The following TCF4 variants were observed in gnomAD, a reference collection of about 807,000 sequenced individuals.
TCF4 encodes transcription factor 4, also known as SL3-3 enhancer factor 2.
A neutral mutation model predicts 82.1 loss-of-function variants in TCF4; 3 were observed. The ratio of observed to expected loss-of-function variants is 0.04; its 90% confidence interval spans 0.02 to 0.09. The LOEUF is 0.09. TCF4 is among the 10% of genes least tolerant of loss of function. TCF4 has a pLI of 1.00. For synonymous variants in TCF4, 276 were observed against 309.6 expected, an observed-to-expected ratio of 0.89 and a Z score of 1.14; for missense variants, 518 against 852.7, an observed-to-expected ratio of 0.61 and a Z score of 4.89.
At chr18:55,557,570 A>G (rs1294833828) in intron 3 of TCF4, among the ~76,000 whole-genome samples, 1 of 152,184 alleles carries the variant, frequency 6.6e-6, no homozygotes, top group Non-Finnish European at 1.5e-5. Flanking sequence ...AGGAAAATGA[A>G]AAAAAGAAAA....
intron 3 of TCF4, chr18:55,546,775 T>A (rs1417707114): frequency 6.6e-6 from 1 of 152,244 alleles, no homozygotes; most frequent in African/African-American, 2.4e-5. Context: ...ATCACCATTA[T>A]AATTCATCCC....
chr18:55,588,307 C>T (rs2097672658), upstream of TCF4: 3 of 1,456,814 alleles, frequency 2.1e-6, no homozygotes, highest in Non-Finnish European at 2.7e-6. Context: ...ATTGCAAGTT[C>T]AGCAAAGAAA....
At chr18:55,341,288 T>A (rs1323078012) in intron 8 of TCF4, among the ~76,000 whole-genome samples, 3 of 152,148 alleles carry the variant, frequency 2.0e-5, no homozygotes, top group Non-Finnish European at 4.4e-5. Context: ...TTTCTTCACC[T>A]CTCTGTGTCT....
intron 5 of TCF4, among the ~76,000 whole-genome samples, chr18:55,405,337 G>T (rs1335719321): frequency 1.3e-5 from 2 of 152,160 alleles, no homozygotes; most frequent in African/African-American, 4.8e-5. Flanking sequence ...TAGATAGGCA[G>T]GCAGGAAGCT....
intron 2 of TCF4, among the ~76,000 whole-genome samples, chr18:55,623,956 T>C (rs542622189): frequency 6.6e-6 from 1 of 152,278 alleles, no homozygotes; most frequent in South Asian, 2.1e-4. Flanking sequence ...GAAAATTCTT[T>C]AGAGAGAAAC....
intron 6 of TCF4, among the ~76,000 whole-genome samples, chr18:55,364,326 TA>T (rs1415674268): frequency 1.1e-4 from 17 of 152,196 alleles, no homozygotes; most frequent in Non-Finnish European, 2.2e-4. Flanking sequence ...TGAAGATATA[TA>T]AAATAATGTG....
chr18:55,400,689 A>G (rs895563322), intron 6 of TCF4, among the ~76,000 whole-genome samples: 1 of 152,142 alleles, frequency 6.6e-6, no homozygotes, highest in African/African-American at 2.4e-5. Context: ...ATATATATCT[A>G]TTTTTAACTT....
chr18:55,510,509 A>T lies in TCF4; in HGVS notation c.146-46372T>A, dbSNP rs9954890. On this transcript the variant is annotated intron_variant, in intron 3 of 19. Transcript: ENST00000354452. ...TCCAGCAATTCAAACTTCTAAGGATACAGAAGTCGATAGATCAAACATTTT... is the reference window on the plus strand; with the variant it reads ...TCCAGCAATTCAAACTTCTAAGGATTCAGAAGTCGATAGATCAAACATTTT... 416,990 of 1,188,992 alleles carry T rather than the reference A, an allele frequency of 0.35. 74,158 individuals are homozygous for T. Among genetic ancestry groups the T allele is most frequent in the East Asian group, 0.46 (17,038 of 36,790 alleles). The allele number at this position is 1,188,992 out of a possible 1,614,324, so 73.7% of individuals were successfully genotyped here.
At chr18:55,457,029 A>AT (rs1234687347) in intron 5 of TCF4, among the ~76,000 whole-genome samples, 1 of 152,186 alleles carries the variant, frequency 6.6e-6, no homozygotes, top group Non-Finnish European at 1.5e-5. Flanking sequence ...GCAACCTGGC[A>AT]TGTATCTACA....
chr18:55,422,730 C>A (rs934097487), intron 5 of TCF4, among the ~76,000 whole-genome samples: 1 of 151,918 alleles, frequency 6.6e-6, no homozygotes, highest in Non-Finnish European at 1.5e-5. Flanking sequence ...CTCCTGACTG[C>A]GACATGAATT....
At chr18:55,228,127 T>C in intron 19 of TCF4, 94 bp downstream of exon 19, 6 of 1,506,822 alleles carry the variant, frequency 4.0e-6, no homozygotes, top group Non-Finnish European at 5.5e-6. Context: ...TGAAAGAAAA[T>C]ATCTGTCAAT....
chr18:55,228,815 C>T lies in TCF4; in HGVS notation c.1879+32G>A, dbSNP rs114215910. ...GCTTGTGCCTGCCACAAGCTCCTCA[C>T]GAGCTCTGCAAGGAGGCTGGCCTGC... On this transcript the variant is annotated intron_variant, in intron 18 of 19. Coordinates refer to ENST00000354452, the MANE Select transcript of TCF4 (RefSeq NM_001083962.2). The T allele has an allele frequency of 6.0e-4, 966 of 1,611,574 alleles. 10 individuals carry two copies. In the African/African-American group the frequency reaches 0.011, roughly 18 times the overall value.
chr18:55,423,770 C>T lies in TCF4; in HGVS notation c.305-20252G>A, dbSNP rs1029979192. 16 of 152,558 alleles carry T rather than the reference C, an allele frequency of 1.0e-4. 1 individual carries two copies. The highest frequency in any genetic ancestry group is 3.1e-4 in the African/African-American group (13 of 41,474). 9.5% of individuals were successfully genotyped at this position (152,558 alleles called of 1,614,324 possible). On this transcript the variant is annotated intron_variant, in intron 5 of 19. Transcript: ENST00000354452. ...GTCGTCCATGAGTGACCCTCCTCAG[C>T]TCCCCCCGGACCTCATCTGGGGCGC...
intron 3 of TCF4, among the ~76,000 whole-genome samples, chr18:55,481,281 T>C (rs972041718): frequency 3.3e-5 from 5 of 152,198 alleles, no homozygotes; most frequent in Non-Finnish European, 7.4e-5. Flanking sequence ...ATTTACACCA[T>C]GGAAATTGGC....
intron 5 of TCF4, among the ~76,000 whole-genome samples, chr18:55,413,397 G>A (rs1418560405): frequency 6.6e-6 from 1 of 152,154 alleles, no homozygotes; most frequent in Non-Finnish European, 1.5e-5. Flanking sequence ...AAGACAAAGA[G>A]TAGGAAGATT....
intron 3 of TCF4, among the ~76,000 whole-genome samples, chr18:55,513,831 A>G (rs575496284): frequency 1.7e-4 from 26 of 152,296 alleles, no homozygotes; most frequent in Admixed American, 1.5e-3. Context: ...CTGTGTTACA[A>G]TCCCAAAATC....
intron 6 of TCF4, among the ~76,000 whole-genome samples, chr18:55,381,914 T>G (rs2091967734): frequency 6.7e-6 from 1 of 148,966 alleles, no homozygotes. Flanking sequence ...AGAAGGGTTT[T>G]TTTTTTTTTT....
chr18:55,420,604 T>A (rs138104823), intron 5 of TCF4, among the ~76,000 whole-genome samples: 81 of 152,312 alleles, frequency 5.3e-4, no homozygotes, highest in Middle Eastern at 3.4e-3. Flanking sequence ...TGGGAAGTTA[T>A]GAGTTGGTAT....
At chr18:55,381,080 T>C (rs1429246281) in intron 6 of TCF4, among the ~76,000 whole-genome samples, 1 of 152,190 alleles carries the variant, frequency 6.6e-6, no homozygotes, top group East Asian at 1.9e-4. Flanking sequence ...AACTAAAAAA[T>C]AATAATTAAG....
Sources: allele counts gnomAD v4.1 joint callset (sites outside exome capture counted in the v4.1 genomes callset), GRCh38; gene constraint gnomAD v4.1.1; transcripts MANE v1.5; gene names NCBI Gene and HGNC (gene_info 2026-07-23, HGNC 2026-07-21).